The following ZNF530 variants were observed in gnomAD, a reference collection of about 807,000 sequenced individuals.
ZNF530 encodes the protein zinc finger protein 530.
A neutral mutation model predicts 2.8 loss-of-function variants in ZNF530; 5 were observed. The ratio of observed to expected loss-of-function variants is 1.80; its 90% CI spans 0.94 to 3.78. The LOEUF is 3.78. ZNF530 is among the 30% of genes most tolerant of loss of function. ZNF530 has a pLI of 0.00. For synonymous variants in ZNF530, 229 were observed against 235.0 expected, an observed-to-expected ratio of 0.97 and a Z score of 0.23; for missense variants, 619 against 673.3, an observed-to-expected ratio of 0.92 and a Z score of 0.89.
Position 57,606,753 on chromosome 19 carries a change from A to G in ZNF530, c.1129A>G (p.Ser377Gly), listed in dbSNP as rs778819015. Reference protein sequence around the residue: ...FHTGERPYVCSECGKSFGQKS... With the variant: ...FHTGERPYVCGECGKSFGQKS... Reference sequence around the variant, plus strand: ...CACTGGAGAAAGACCTTATGTGTGCAGTGAATGTGGGAAATCATTTGGCCA... The same window carrying G: ...CACTGGAGAAAGACCTTATGTGTGCGGTGAATGTGGGAAATCATTTGGCCA... The change falls in exon 4 of 4, where the codon AGT becomes GGT. Residue 377 changes from serine to glycine, a missense_variant. By Grantham distance (56) the Ser-to-Gly change is moderately conservative. Transcript: ENST00000597700. 1.2e-6 allele frequency: 2 copies of G among 1,614,118 alleles called. No homozygotes were observed. Among genetic ancestry groups the G allele is most frequent in the Non-Finnish European group, 1.7e-6 (2 of 1,180,026 alleles).
chr19:57,606,623 C>T lies in ZNF530; in HGVS notation c.999C>T (p.Leu333=), dbSNP rs911108467. 1.2e-6 allele frequency: 2 copies of T among 1,614,070 alleles called. No individual in the cohort carries two copies. Among genetic ancestry groups the T allele is most frequent in the East Asian group, 2.2e-5 (1 of 44,864 alleles). The stretch of plus-strand genomic sequence containing the variant: ...AATCCTTTAGCCATAGCACTAACCT[C>T]TTTCGACACTGGAGAGTTCACACTG... The part of the protein sequence containing the change: ...CGKSFSHSTN[L]FRHWRVHTGV... The change falls in exon 4 of 4, where the codon CTC becomes CTT. Residue 333 remains leucine, a synonymous_variant. Transcript: ENST00000597700.
Position 57,607,739 on chromosome 19 carries a change from A to G in ZNF530, c.*414A>G, listed in dbSNP as rs919514714. On this transcript the variant is annotated 3_prime_UTR_variant, in exon 4 of 4. Coordinates refer to ENST00000597700, the MANE Select transcript of ZNF530 (RefSeq NM_001321981.2). ...GCTTGTTAGTTTGTTTTAACTTGGT[A>G]TGACGGCACTGGAGGCTAGCCTTTG... The G allele has an allele frequency of 5.4e-6, 1 of 186,838 alleles. No individual in the cohort carries two copies. The highest frequency in any genetic ancestry group is 1.0e-4 in the South Asian group (1 of 9,540). 11.6% of individuals were successfully genotyped at this position (186,838 alleles called of 1,614,324 possible). A position where few individuals can be genotyped will look rare whatever the true frequency, so the allele number is the denominator to read the frequency against.
rs988031494 is a variant in ZNF530, at chr19:57,607,637, G to A, written c.*312G>A. 8 of 300,140 alleles carry A rather than the reference G, an allele frequency of 2.7e-5. No individual in the cohort carries two copies. The South Asian group carries it at 4.5e-4, about 17-fold the overall frequency. 18.6% of individuals were successfully genotyped at this position (300,140 alleles called of 1,614,324 possible). A position where few individuals can be genotyped will look rare whatever the true frequency, so the allele number is the denominator to read the frequency against. ...TGGGATTACAGGCGTGAGCCACCAT[G>A]TCCGGCTTGTGTTGTGACATTTAAC... On this transcript the variant is annotated 3_prime_UTR_variant, in exon 4 of 4. Coordinates refer to ENST00000597700, the MANE Select transcript of ZNF530 (RefSeq NM_001321981.2).
intron 3 of ZNF530, 110 bp downstream of exon 3, chr19:57,604,516 C>A: frequency 7.0e-7 from 1 of 1,436,222 alleles, no homozygotes; most frequent in Non-Finnish European, 9.4e-7. Context: ...ACAGACCTTC[C>A]CACTTTCTTG....
chr19:57,612,159 C>T (rs2123471749), downstream of ZNF530, among the ~76,000 whole-genome samples: 1 of 152,312 alleles, frequency 6.6e-6, no homozygotes, highest in African/African-American at 2.4e-5. Flanking sequence ...CAATAAAGAC[C>T]CATCCACAAA....
downstream of ZNF530, among the ~76,000 whole-genome samples, chr19:57,612,071 G>A (rs1980896978): frequency 6.6e-6 from 1 of 152,156 alleles, no homozygotes. Context: ...ATGGCATACT[G>A]TACTTCCCAT....
At position 57,607,471 on chromosome 19, in the gene ZNF530, A is replaced by G; in HGVS notation, c.*146A>G. On this transcript the variant is annotated 3_prime_UTR_variant, in exon 4 of 4. Coordinates refer to ENST00000597700, the MANE Select transcript of ZNF530 (RefSeq NM_001321981.2). ...GTGATTCTCCTGCCACAGCCTCCTG[A>G]GTACCTGAGATTACAGGCACCCACC... 1 of 790,638 alleles carries G rather than the reference A, an allele frequency of 1.3e-6. No homozygotes were observed. Among genetic ancestry groups the G allele is most frequent in the Non-Finnish European group, 1.9e-6 (1 of 513,242 alleles). 49.0% of individuals were successfully genotyped at this position (790,638 alleles called of 1,614,324 possible). A position where few individuals can be genotyped will look rare whatever the true frequency, so the allele number is the denominator to read the frequency against.
downstream of ZNF530, among the ~76,000 whole-genome samples, chr19:57,611,446 ATGCACAG>A (rs554577171): frequency 2.0e-3 from 300 of 152,234 alleles, no homozygotes; most frequent in African/African-American, 6.9e-3. Flanking sequence ...TGACTACTGC[ATGCACAG>A]TGGTCTGCCA....
Position 57,608,302 on chromosome 19 carries a change from A to G in ZNF530, c.*977A>G, listed in dbSNP as rs1276222305. On this transcript the variant is annotated 3_prime_UTR_variant, in exon 4 of 4. Transcript: ENST00000597700. Reference sequence around the variant, plus strand: ...TTGTAAGTTGTATTAATTGTTGAGTAGTTTGGAAACATAATAGGACTCTGT... The same window carrying G: ...TTGTAAGTTGTATTAATTGTTGAGTGGTTTGGAAACATAATAGGACTCTGT... The G allele has an allele frequency of 6.6e-6, 1 of 152,234 alleles. No individual in the cohort carries two copies. Among genetic ancestry groups the G allele is most frequent in the African/African-American group, 2.4e-5 (1 of 41,456 alleles). 9.4% of individuals were successfully genotyped at this position (152,234 alleles called of 1,614,324 possible).
At position 57,599,983 on chromosome 19, in the gene ZNF530, C is replaced by G; in HGVS notation, c.-273C>G. On this transcript the variant is annotated 5_prime_UTR_variant, in exon 1 of 4. Coordinates refer to ENST00000597700, the MANE Select transcript of ZNF530 (RefSeq NM_001321981.2). ...CCTAGGTGCTGACAGCGAGAAGGCGCGAGGAGAGTCGTTTTCTCAGCTGCA... is the reference window on the plus strand; with the variant it reads ...CCTAGGTGCTGACAGCGAGAAGGCGGGAGGAGAGTCGTTTTCTCAGCTGCA... The G allele has an allele frequency of 2.6e-6, 3 of 1,175,668 alleles. No individual in the cohort carries two copies. Among genetic ancestry groups the G allele is most frequent in the South Asian group, 1.7e-5 (1 of 58,660 alleles). The allele number at this position is 1,175,668 out of a possible 1,614,324, so 72.8% of individuals were successfully genotyped here.
chr19:57,610,897 C>G (rs1980851578), downstream of ZNF530, among the ~76,000 whole-genome samples: 1 of 151,860 alleles, frequency 6.6e-6, no homozygotes. Flanking sequence ...CCTTTTTTTT[C>G]AACCACCCTC....
At position 57,607,370 on chromosome 19, in the gene ZNF530, G is replaced by C; in HGVS notation, c.*45G>C. 1 of 1,519,556 alleles carries C rather than the reference G, an allele frequency of 6.6e-7. No homozygotes were observed. The highest frequency in any genetic ancestry group is 1.4e-5 in the African/African-American group (1 of 70,792). 94.1% of individuals were successfully genotyped at this position (1,519,556 alleles called of 1,614,324 possible). On this transcript the variant is annotated 3_prime_UTR_variant, in exon 4 of 4. Coordinates refer to ENST00000597700, the MANE Select transcript of ZNF530 (RefSeq NM_001321981.2). ...CACTTTTTTTTTTTTTTTTGAGATGGAATTTTGCTCGTCACCCAGGCTGGA... is the reference window on the plus strand; with the variant it reads ...CACTTTTTTTTTTTTTTTTGAGATGCAATTTTGCTCGTCACCCAGGCTGGA...
At position 57,609,084 on chromosome 19, in the gene ZNF530, A is replaced by C. The variant is rs1054762111; in HGVS notation, c.*1759A>C. On this transcript the variant is annotated 3_prime_UTR_variant, in exon 4 of 4. Transcript: ENST00000597700. ...AGTGGCTCATGCGTGTAATCCCTAC[A>C]CTTTCCGAGGCCATGGCGTGCAGAT... 6.6e-6 allele frequency: 1 copy of C among 151,892 alleles called. No homozygotes were observed. Among genetic ancestry groups the C allele is most frequent in the African/African-American group, 2.4e-5 (1 of 41,302 alleles). The allele number at this position is 151,892 out of a possible 1,614,324, so 9.4% of individuals were successfully genotyped here.
chr19:57,599,914 C>A lies in ZNF530; in HGVS notation c.-342C>A. On this transcript the variant is annotated 5_prime_UTR_variant, in exon 1 of 4. Transcript: ENST00000597700. ...CTTCCGGCGTCCTCCCTGTGGCGGG[C>A]ACTTTGGCTTGTGTCAGTTCCATCC... 1 of 547,838 alleles carries A rather than the reference C, an allele frequency of 1.8e-6. No individual in the cohort carries two copies. 33.9% of individuals were successfully genotyped at this position (547,838 alleles called of 1,614,324 possible).
Position 57,606,663 on chromosome 19 carries a change from G to A in ZNF530, c.1039G>A (p.Glu347Lys). The change falls in exon 4 of 4, where the codon GAG (glutamate) becomes AAG (lysine). Residue 347 changes from glutamate (E) to lysine (K), a missense_variant. Glu to Lys is a moderately conservative substitution (Grantham distance 56). Transcript: ENST00000597700. ...WRVHTGVRPY[E>K]CSECGKAFSC... ...AGTTCACACTGGAGTAAGGCCTTATGAGTGTAGTGAATGTGGGAAAGCATT... is the reference window on the plus strand; with the variant it reads ...AGTTCACACTGGAGTAAGGCCTTATAAGTGTAGTGAATGTGGGAAAGCATT... The A allele has an allele frequency of 2.5e-6, 4 of 1,614,156 alleles. No individual in the cohort carries two copies. The highest frequency in any genetic ancestry group is 3.4e-6 in the Non-Finnish European group (4 of 1,180,036).
downstream of ZNF530, among the ~76,000 whole-genome samples, chr19:57,610,158 A>C (rs920976955): frequency 6.6e-6 from 1 of 152,266 alleles, no homozygotes; most frequent in South Asian, 2.1e-4. Context: ...AATCATAAGA[A>C]TGAGCATATC....
At position 57,600,140 on chromosome 19, in the gene ZNF530, C is replaced by T. The variant is rs763823861; in HGVS notation, c.-122+6C>T. 1 of 1,569,718 alleles carries T rather than the reference C, an allele frequency of 6.4e-7. No individual in the cohort carries two copies. The highest frequency in any genetic ancestry group is 1.2e-5 in the South Asian group (1 of 85,646). Reference sequence around the variant, plus strand: ...CACTGAGGGCCCCGACCCAGGTGAGCGCTGCGTCCTCCCGGCCTCCTCTGC... The same window carrying T: ...CACTGAGGGCCCCGACCCAGGTGAGTGCTGCGTCCTCCCGGCCTCCTCTGC... On this transcript the variant is annotated splice_donor_region_variant and intron_variant, in intron 1 of 3. Transcript: ENST00000597700.
At chr19:57,600,276 G>T in intron 1 of ZNF530, 142 bp downstream of exon 1, 1 of 1,093,602 alleles carries the variant, frequency 9.1e-7, no homozygotes, top group Non-Finnish European at 1.2e-6. Context: ...GTGTGGCAGG[G>T]AGCGGGAGAG....
Position 57,600,101 on chromosome 19 carries a change from TC to T in ZNF530, c.-153del. ...CGCTCCCGGCCCGCTCCGCCCAGAG[TC>T]CGATGGCGGCGGCACTGAGGGCCCC... is the stretch of plus-strand genomic sequence containing the variant. On this transcript the variant is annotated 5_prime_UTR_variant, in exon 1 of 4. Coordinates refer to ENST00000597700, the MANE Select transcript of ZNF530 (RefSeq NM_001321981.2). 6.4e-7 allele frequency: 1 copy of T among 1,559,404 alleles called. No individual in the cohort carries two copies. The highest frequency in any genetic ancestry group is 8.7e-7 in the Non-Finnish European group (1 of 1,150,604).
Sources: allele counts gnomAD v4.1 joint callset (sites outside exome capture counted in the v4.1 genomes callset), GRCh38; gene constraint gnomAD v4.1.1; transcripts MANE v1.5; gene names NCBI Gene and HGNC (gene_info 2026-07-23, HGNC 2026-07-21).